The following SPATA17 variants were observed in gnomAD, a reference collection of about 807,000 sequenced individuals.
SPATA17 encodes the protein spermatogenesis associated 17.
In SPATA17, 53 loss-of-function variants were observed where a neutral mutation model predicts 62.2. The observed-to-expected ratio is 0.85, with a 90% CI of 0.68 to 1.07. The LOEUF (loss-of-function observed/expected upper bound fraction) is 1.07. SPATA17 is among the 50% of genes least tolerant of loss of function. The pLI is 0.00. For synonymous variants in SPATA17, 146 were observed against 146.8 expected (o/e 0.99, Z 0.04); for missense variants, 466 against 425.5 (o/e 1.10, Z -0.84).
intron 5 of SPATA17, among the ~76,000 whole-genome samples, chr1:217,735,809 A>G (rs969043846): frequency 6.6e-6 from 1 of 152,082 alleles, no homozygotes; most frequent in African/African-American, 2.4e-5. Flanking sequence ...TGAAATGAAC[A>G]AGAAAAGCAA....
At chr1:217,826,048 T>C (rs559184273) in intron 9 of SPATA17, among the ~76,000 whole-genome samples, 2 of 152,260 alleles carry the variant, frequency 1.3e-5, no homozygotes, top group East Asian at 3.9e-4. Flanking sequence ...ATGAGTCTGC[T>C]CAGGCTGCTG....
At chr1:217,802,994 C>T (rs1674348291) in intron 9 of SPATA17, among the ~76,000 whole-genome samples, 1 of 152,094 alleles carries the variant, frequency 6.6e-6, no homozygotes, top group African/African-American at 2.4e-5. Context: ...CTCACTGCAA[C>T]CTCCGCCCCT....
At chr1:217,842,854 C>T (rs1675441317) in intron 9 of SPATA17, among the ~76,000 whole-genome samples, 1 of 151,874 alleles carries the variant, frequency 6.6e-6, no homozygotes, top group Non-Finnish European at 1.5e-5. Context: ...TTTATTTTCA[C>T]CCTTTATTTT....
chr1:217,676,739 A>G (rs1304274852), intron 4 of SPATA17, among the ~76,000 whole-genome samples: 1 of 152,102 alleles, frequency 6.6e-6, no homozygotes, highest in Non-Finnish European at 1.5e-5. Flanking sequence ...ATATCACATG[A>G]ATGCAAATTT....
chr1:217,748,320 T>C (rs1178606290), intron 6 of SPATA17, among the ~76,000 whole-genome samples: 6 of 126,416 alleles, frequency 4.7e-5, no homozygotes, highest in South Asian at 4.8e-4. Context: ...AAAAAAAAAA[T>C]TAACTTGACA....
intron 9 of SPATA17, among the ~76,000 whole-genome samples, chr1:217,843,889 C>A (rs1380095561): frequency 2.0e-5 from 3 of 152,050 alleles, no homozygotes; most frequent in Admixed American, 1.3e-4. Context: ...ATTTATCAGC[C>A]ACTTTTTTAC....
chr1:217,734,352 T>A lies in SPATA17; in HGVS notation c.396-7623T>A, dbSNP rs1003689555. ...CCAAATACACCACAGCAGAAACTAA[T>A]GCCATTTGACTATTTTAATTTGTTT... On this transcript the variant is annotated intron_variant, in intron 5 of 10. Transcript: ENST00000366933. Among the ~76,000 whole-genome samples the A allele has an allele frequency of 3.9e-5, 6 of 152,214 alleles. No individual in the cohort carries two copies. The East Asian group carries it at 1.2e-3, about 29-fold the overall frequency.
chr1:217,773,752 A>G (rs1272155697), intron 6 of SPATA17, among the ~76,000 whole-genome samples: 1 of 152,110 alleles, frequency 6.6e-6, no homozygotes, highest in Non-Finnish European at 1.5e-5. Context: ...GTGATATATA[A>G]TATAGTATTA....
chr1:217,677,740 T>C (rs1670981180), intron 4 of SPATA17, among the ~76,000 whole-genome samples: 1 of 152,084 alleles, frequency 6.6e-6, no homozygotes, highest in Admixed American at 6.6e-5. Flanking sequence ...CATTGTGAAA[T>C]GATTAAATAG....
At chr1:217,647,934 G>C (rs1318968316) in intron 1 of SPATA17, among the ~76,000 whole-genome samples, 2 of 151,940 alleles carry the variant, frequency 1.3e-5, no homozygotes, top group Non-Finnish European at 2.9e-5. Flanking sequence ...CGTTGGCCAG[G>C]CTAGTCTCGA....
intron 5 of SPATA17, among the ~76,000 whole-genome samples, chr1:217,706,816 T>C (rs1339244439): frequency 6.6e-6 from 1 of 152,138 alleles, no homozygotes; most frequent in African/African-American, 2.4e-5. Context: ...GTCACCTCCC[T>C]GGTTAGCTAT....
chr1:217,818,882 CTT>C (rs34580904), intron 9 of SPATA17, among the ~76,000 whole-genome samples: 17 of 125,364 alleles, frequency 1.4e-4, no homozygotes, highest in African/African-American at 2.6e-4. Flanking sequence ...TTTCATTTTC[CTT>C]TTTTTTTTTT....
chr1:217,733,517 T>A lies in SPATA17; in HGVS notation c.396-8458T>A, dbSNP rs894339867. Among the ~76,000 whole-genome samples the A allele has an allele frequency of 5.9e-5, 9 of 152,334 alleles. No homozygotes were observed. In the East Asian group the frequency reaches 1.7e-3, roughly 29 times the overall value. ...CCTGAACTTAAGCACTACGTATGTA[T>A]TTTTTTCACTGACTTATTTTCTACA... is the stretch of plus-strand genomic sequence containing the variant. On this transcript the variant is annotated intron_variant, in intron 5 of 10. Transcript: ENST00000366933.
intron 1 of SPATA17, among the ~76,000 whole-genome samples, chr1:217,641,394 C>T (rs775580774): frequency 7.9e-5 from 12 of 151,800 alleles, no homozygotes; most frequent in Non-Finnish European, 1.6e-4. Context: ...CAAATTGTGA[C>T]CCACAATCAG....
intron 2 of SPATA17, among the ~76,000 whole-genome samples, chr1:217,649,865 T>C (rs1036904856): frequency 1.3e-5 from 2 of 151,200 alleles, no homozygotes; most frequent in African/African-American, 4.9e-5. Flanking sequence ...TTATCCTATA[T>C]AAAACTTCCT....
chr1:217,635,234 G>A (rs1476025825), intron 1 of SPATA17, among the ~76,000 whole-genome samples: 2 of 152,194 alleles, frequency 1.3e-5, no homozygotes, highest in Non-Finnish European at 2.9e-5. Flanking sequence ...ATTTTGCCAA[G>A]GTTAAGGATG....
chr1:217,778,223 C>A (rs1673640926), intron 7 of SPATA17, among the ~76,000 whole-genome samples: 1 of 152,064 alleles, frequency 6.6e-6, no homozygotes, highest in African/African-American at 2.4e-5. Context: ...TAATAATCCA[C>A]ACTGCTGGTG....
intron 5 of SPATA17, among the ~76,000 whole-genome samples, chr1:217,737,436 T>G (rs1421873908): frequency 6.6e-6 from 1 of 152,060 alleles, no homozygotes; most frequent in Non-Finnish European, 1.5e-5. Context: ...TGCATGAGAT[T>G]TATTGGGGAG....
chr1:217,727,247 C>CAATAATAAT (rs59885913), intron 5 of SPATA17, among the ~76,000 whole-genome samples: 199 of 132,770 alleles, frequency 1.5e-3, no homozygotes, highest in South Asian at 4.7e-3. Flanking sequence ...AACTCCGTCT[C>CAATAATAAT]AATAATAATA....
Sources: allele counts gnomAD v4.1 joint callset (sites outside exome capture counted in the v4.1 genomes callset), GRCh38; gene constraint gnomAD v4.1.1; transcripts MANE v1.5; gene names NCBI Gene and HGNC (gene_info 2026-07-23, HGNC 2026-07-21).